The following ACVR1B variants were observed in gnomAD, a reference collection of about 807,000 sequenced individuals.
ACVR1B encodes activin A receptor type 1B, also known as activin receptor type-1B.
Under a neutral mutation model 55.6 loss-of-function variants are expected in ACVR1B, and 15 were observed. The ratio of observed to expected loss-of-function variants is 0.27; its 90% confidence interval spans 0.18 to 0.42. The LOEUF (loss-of-function observed/expected upper bound fraction) is 0.42. Among genes scored for constraint, ACVR1B ranks in the 10% least tolerant of loss-of-function variants. The pLI, the probability that ACVR1B is intolerant of heterozygous loss-of-function variation, is 1.00. For synonymous variants in ACVR1B, 247 were observed against 254.6 expected (o/e 0.97, Z 0.28); for missense variants, 359 against 670.1 (o/e 0.54, Z 5.13).
At position 51,976,607 on chromosome 12, in the gene ACVR1B, G is replaced by A. The variant is rs149979835; in HGVS notation, c.580+32G>A. On this transcript the variant is annotated intron_variant, in intron 3 of 8. Coordinates refer to ENST00000257963, the MANE Select transcript of ACVR1B (RefSeq NM_004302.5). Reference sequence around the variant, plus strand: ...AGTTCTTCAGGGCATCATGTCTGTGGTTGGCTTTCATCAGTTTCCCAGCAG... The same window carrying A: ...AGTTCTTCAGGGCATCATGTCTGTGATTGGCTTTCATCAGTTTCCCAGCAG... The A allele has an allele frequency of 1.5e-4, 237 of 1,608,584 alleles. 2 individuals are homozygous for A. In the East Asian group the frequency reaches 5.2e-3, roughly 35 times the overall value.
chr12:51,966,872 G>T (rs1449293548), intron 1 of ACVR1B, among the ~76,000 whole-genome samples: 2 of 152,202 alleles, frequency 1.3e-5, no homozygotes, highest in Admixed American at 6.5e-5. Context: ...TAATGATATT[G>T]TGGGAAACTG....
intron 1 of ACVR1B, among the ~76,000 whole-genome samples, chr12:51,956,668 A>G (rs1275887081): frequency 6.6e-6 from 1 of 152,160 alleles, no homozygotes; most frequent in Admixed American, 6.5e-5. Flanking sequence ...CAAATCTTCA[A>G]CCATTGCTCC....
In ACVR1B at chr12:51,988,169, G is replaced by T. The variant is rs370819343; in HGVS notation, c.1261+1227G>T. ...ACCTCTTAAATTTTGATCAGTATAT[G>T]CAGTAAAACAGACTAAGAGGCCAGG... On this transcript the variant is annotated intron_variant, in intron 7 of 8. Coordinates refer to ENST00000257963, the MANE Select transcript of ACVR1B (RefSeq NM_004302.5). Among the ~76,000 whole-genome samples, 38 of 152,286 alleles carry T rather than the reference G, an allele frequency of 2.5e-4. 1 individual carries two copies. The highest frequency in any genetic ancestry group is 7.7e-4 in the African/African-American group (32 of 41,558).
chr12:51,992,110 T>C, intron 8 of ACVR1B, 117 bp downstream of exon 8: 1 of 1,354,076 alleles, frequency 7.4e-7, no homozygotes, highest in Non-Finnish European at 1.0e-6. Context: ...CAGTTATTAT[T>C]TACTATTACG....
intron 1 of ACVR1B, among the ~76,000 whole-genome samples, chr12:51,971,027 T>C (rs1209617950): frequency 6.6e-6 from 1 of 152,052 alleles, no homozygotes; most frequent in South Asian, 2.1e-4. Context: ...CTGGTGAGGG[T>C]CTGAGGCGGG....
At chr12:51,975,833 CG>C (rs962091240) in intron 2 of ACVR1B, among the ~76,000 whole-genome samples, 17 of 152,112 alleles carry the variant, frequency 1.1e-4, no homozygotes, top group African/African-American at 4.1e-4. Context: ...GCCCCAGAGC[CG>C]AGCAAAGGTG....
At chr12:51,993,268 G>A (rs192191670) in intron 8 of ACVR1B, among the ~76,000 whole-genome samples, 168 of 152,292 alleles carry the variant, frequency 1.1e-3, no homozygotes, top group African/African-American at 3.9e-3. Context: ...TGCCTTTAAC[G>A]AGTCTAACCA....
intron 7 of ACVR1B, 35 bp downstream of exon 7, chr12:51,986,977 A>G: frequency 1.9e-6 from 3 of 1,614,234 alleles, no homozygotes; most frequent in Non-Finnish European, 2.5e-6. Flanking sequence ...CCTACCTCCC[A>G]TTCCAGGATG....
chr12:51,969,042 C>A (rs1444145424), intron 1 of ACVR1B, among the ~76,000 whole-genome samples: 1 of 152,196 alleles, frequency 6.6e-6, no homozygotes, highest in Non-Finnish European at 1.5e-5. Flanking sequence ...CAGCCAGCAT[C>A]ATGCGCCAAA....
At chr12:51,960,444 A>G (rs546301653) in intron 1 of ACVR1B, among the ~76,000 whole-genome samples, 3 of 152,292 alleles carry the variant, frequency 2.0e-5, no homozygotes, top group South Asian at 2.1e-4. Flanking sequence ...TTACACACAA[A>G]TGGACTTTTT....
At chr12:51,959,706 G>A (rs758317340) in intron 1 of ACVR1B, among the ~76,000 whole-genome samples, 1 of 152,212 alleles carries the variant, frequency 6.6e-6, no homozygotes, top group Non-Finnish European at 1.5e-5. Context: ...AGATAGGCAT[G>A]AGGGTACTTG....
chr12:51,964,413 A>G (rs1028920329), intron 1 of ACVR1B, among the ~76,000 whole-genome samples: 2 of 152,096 alleles, frequency 1.3e-5, no homozygotes, highest in Non-Finnish European at 2.9e-5. Context: ...TCTCCTGTTC[A>G]TTGTCTTTTC....
In ACVR1B at chr12:51,985,182, T is replaced by C. The variant is rs774290309; in HGVS notation, c.980-10T>C. The C allele has an allele frequency of 1.2e-6, 2 of 1,603,166 alleles. No homozygotes were observed. Among genetic ancestry groups the C allele is most frequent in the Non-Finnish European group, 1.7e-6 (2 of 1,175,446 alleles). The stretch of plus-strand genomic sequence containing the variant: ...CTCTTTGTAAAGATCCCTGTTTTTT[T>C]CTCTGCCAGGGAAGCCTGGAATTGC... On this transcript the variant is annotated splice_polypyrimidine_tract_variant and intron_variant, in intron 5 of 8. Transcript: ENST00000257963.
At position 51,994,228 on chromosome 12, in the gene ACVR1B, T is replaced by C. The variant is rs1942255433; in HGVS notation, c.*118T>C. The C allele has an allele frequency of 4.1e-6, 6 of 1,465,308 alleles. No homozygotes were observed. Among genetic ancestry groups the C allele is most frequent in the Non-Finnish European group, 5.5e-6 (6 of 1,090,140 alleles). 90.8% of individuals were successfully genotyped at this position (1,465,308 alleles called of 1,614,324 possible). ...CCCAGCCCTCTGTGGCCAGGAGCCCTGGCCCGCAAGAGGGACAGAGCCCGG... is the reference window on the plus strand; with the variant it reads ...CCCAGCCCTCTGTGGCCAGGAGCCCCGGCCCGCAAGAGGGACAGAGCCCGG... On this transcript the variant is annotated 3_prime_UTR_variant, in exon 9 of 9. Coordinates refer to ENST00000257963, the MANE Select transcript of ACVR1B (RefSeq NM_004302.5). This position sits in a 1 kb window ranked among gnomAD's most constrained non-coding sequence, Gnocchi z 4.2.
intron 1 of ACVR1B, among the ~76,000 whole-genome samples, chr12:51,964,455 G>A (rs1319658994): frequency 1.3e-5 from 2 of 152,146 alleles, no homozygotes; most frequent in African/African-American, 4.8e-5. Flanking sequence ...GATACACAAA[G>A]GTTTTTAATT....
intron 7 of ACVR1B, among the ~76,000 whole-genome samples, chr12:51,989,425 C>T (rs1232899990): frequency 4.6e-5 from 7 of 151,916 alleles, no homozygotes; most frequent in Non-Finnish European, 7.4e-5. Flanking sequence ...GCTGGGATTA[C>T]AGGTGCCCAC....
chr12:51,982,723 A>C, intron 4 of ACVR1B: 1 of 1,533,988 alleles, frequency 6.5e-7, no homozygotes, highest in Non-Finnish European at 8.7e-7. Context: ...GGGAAGTTGT[A>C]ATGGTCTCTG....
At chr12:51,991,601 C>T (rs1479614083) in intron 7 of ACVR1B, among the ~76,000 whole-genome samples, 5 of 152,128 alleles carry the variant, frequency 3.3e-5, no homozygotes, top group African/African-American at 7.2e-5. Context: ...GGGGTTTTAC[C>T]GTGTTGGCGG....
chr12:51,951,898 G>A, intron 1 of ACVR1B, 64 bp downstream of exon 1: 1 of 1,054,320 alleles, frequency 9.5e-7, no homozygotes, highest in Non-Finnish European at 1.2e-6. Flanking sequence ...GAGGCCTCGA[G>A]CCGCGGCCGC....
Sources: allele counts gnomAD v4.1 joint callset (sites outside exome capture counted in the v4.1 genomes callset), GRCh38; gene constraint gnomAD v4.1.1; non-coding constraint Gnocchi (gnomAD v3.1); transcripts MANE v1.5; gene names NCBI Gene and HGNC (gene_info 2026-07-23, HGNC 2026-07-21).